LRP1B: variants seen among roughly 807,000 people sequenced by gnomAD.
LRP1B encodes low-density lipoprotein receptor-related protein 1B.
Under a neutral mutation model 556.6 loss-of-function variants are expected in LRP1B, and 217 were observed. The ratio of observed to expected loss-of-function variants is 0.39; its 90% CI spans 0.35 to 0.44. The LOEUF (loss-of-function observed/expected upper bound fraction) is 0.44, where lower values mean the gene tolerates loss of function less well. Ranked by LOEUF, LRP1B falls within the 20% of genes least tolerant of loss-of-function variation. The probability of loss-of-function intolerance (pLI) is 1.00; values close to 1 mark genes in which losing one functional copy is unlikely to be tolerated. For synonymous variants in LRP1B, 2,047 were observed against 1,865.8 expected, an observed-to-expected ratio of 1.10 and a Z score of -2.50; for missense variants, 5,053 against 5,620.8, an observed-to-expected ratio of 0.90 and a Z score of 3.23.
intron 7 of LRP1B, among the ~76,000 whole-genome samples, chr2:141,128,667 C>G (rs1338239007): frequency 1.3e-5 from 2 of 151,746 alleles, no homozygotes; most frequent in African/African-American, 4.9e-5. Flanking sequence ...GTTGCCCAGG[C>G]TGGAGTGCGA....
At chr2:140,677,831 G>A (rs1425702307) in intron 41 of LRP1B, among the ~76,000 whole-genome samples, 2 of 147,592 alleles carry the variant, frequency 1.4e-5, no homozygotes, top group Admixed American at 6.8e-5. Flanking sequence ...AGCCGAGATC[G>A]TGCTATTGCA....
At chr2:140,593,833 C>T (rs1682324187) in intron 43 of LRP1B, among the ~76,000 whole-genome samples, 1 of 151,866 alleles carries the variant, frequency 6.6e-6, no homozygotes, top group African/African-American at 2.4e-5. Context: ...TTTATTTTTG[C>T]TGTTTGAAAG....
chr2:140,506,168 C>T (rs1021515739), intron 53 of LRP1B, among the ~76,000 whole-genome samples: 25 of 152,154 alleles, frequency 1.6e-4, no homozygotes, highest in Admixed American at 2.6e-4. Flanking sequence ...ACAAGCCAGC[C>T]ATATACTGTC....
chr2:140,334,628 GCA>G lies in LRP1B; in HGVS notation c.12117-71_12117-70del, dbSNP rs2105083871. 3.7e-5 allele frequency: 30 copies of G among 807,482 alleles called. 1 individual carries two copies. In the South Asian group the frequency reaches 5.6e-4, roughly 15 times the overall value. The allele number at this position is 807,482 out of a possible 1,614,324, so 50.0% of individuals were successfully genotyped here. On this transcript the variant is annotated intron_variant, in intron 78 of 90. Transcript: ENST00000389484. ...CTATAACCAGACTCTGCTCCGCAAA[GCA>G]GTGGCTCTTCAGACCACGTGCCTCA...
rs1698124105 is a variant in LRP1B, at chr2:141,858,169, T to G, written c.83-47768A>C. ...TGCGTTAAATTTTGACTGCCAAGTTTTGTGTGCTTGAATCAAACTCATTTC... is the reference window on the plus strand; with the variant it reads ...TGCGTTAAATTTTGACTGCCAAGTTGTGTGTGCTTGAATCAAACTCATTTC... On this transcript the variant is annotated intron_variant, in intron 1 of 90. Transcript: ENST00000389484. Among the ~76,000 whole-genome samples, 3 of 152,194 alleles carry G rather than the reference T, an allele frequency of 2.0e-5. No individual in the cohort carries two copies. The South Asian group carries it at 6.2e-4, about 31-fold the overall frequency.
At chr2:141,967,599 G>A (rs1013104163) in intron 1 of LRP1B, among the ~76,000 whole-genome samples, 11 of 151,800 alleles carry the variant, frequency 7.2e-5, no homozygotes, top group African/African-American at 2.7e-4. Context: ...AAATTAGACA[G>A]TCAGAGAGGG....
intron 32 of LRP1B, among the ~76,000 whole-genome samples, chr2:140,790,816 A>G (rs1690088937): frequency 6.6e-6 from 1 of 152,304 alleles, no homozygotes; most frequent in African/African-American, 2.4e-5. Context: ...TTAAGAAAAG[A>G]TTGGGCCAAG....
chr2:141,604,087 A>G (rs1687837983), intron 2 of LRP1B, among the ~76,000 whole-genome samples: 1 of 152,192 alleles, frequency 6.6e-6, no homozygotes, highest in South Asian at 2.1e-4. Flanking sequence ...AACAATTAAG[A>G]AACAACTTCT....
chr2:141,301,612 A>G (rs1686398760), intron 3 of LRP1B, among the ~76,000 whole-genome samples: 1 of 152,212 alleles, frequency 6.6e-6, no homozygotes, highest in Admixed American at 6.5e-5. Context: ...GCTGAGACCT[A>G]CAGAAATTAA....
chr2:140,439,335 C>T (rs908823707), intron 66 of LRP1B, among the ~76,000 whole-genome samples: 2 of 152,178 alleles, frequency 1.3e-5, no homozygotes, highest in African/African-American at 4.8e-5. Context: ...TCTAATATAA[C>T]TGTATTTATG....
At chr2:140,315,275 T>C (rs2105037613) in intron 82 of LRP1B, among the ~76,000 whole-genome samples, 176 bp from the exon 83 acceptor site, 1 of 152,326 alleles carries the variant, frequency 6.6e-6, no homozygotes, top group East Asian at 1.9e-4. Context: ...ATTCTGGTTG[T>C]TGAATGGTAA....
chr2:140,942,756 T>C (rs1048040431), intron 20 of LRP1B, among the ~76,000 whole-genome samples: 3 of 152,054 alleles, frequency 2.0e-5, no homozygotes, highest in Non-Finnish European at 4.4e-5. Context: ...TCACTACCAC[T>C]GGACTGGTCT....
Position 140,951,888 on chromosome 2 carries a change from G to A in LRP1B, c.2940C>T (p.Cys980=), listed in dbSNP as rs1171123264. ...LTQFVCKSGR[C]ISSKWHCDSD... is the part of the protein sequence containing the mutation. ...AGTCGCAGTGCCATTTGCTGCTAAT[G>A]CATCTTCCACTTTTGCATACGAATT... Residue 980 remains cysteine (C), a synonymous_variant, in exon 19 of 91, where the codon TGC becomes TGT. Coordinates refer to ENST00000389484, the MANE Select transcript of LRP1B (RefSeq NM_018557.3). 1 of 1,613,880 alleles carries A rather than the reference G, an allele frequency of 6.2e-7. No individual in the cohort carries two copies. Among genetic ancestry groups the A allele is most frequent in the East Asian group, 2.2e-5 (1 of 44,854 alleles).
chr2:140,490,804 C>G (rs1256518528), intron 57 of LRP1B, among the ~76,000 whole-genome samples: 1 of 152,066 alleles, frequency 6.6e-6, no homozygotes, highest in East Asian at 1.9e-4. Context: ...TATTTCCTTA[C>G]TCAATGGGCA....
intron 2 of LRP1B, among the ~76,000 whole-genome samples, chr2:141,652,989 T>C: frequency 6.6e-6 from 1 of 152,166 alleles, no homozygotes; most frequent in Admixed American, 6.5e-5. Context: ...TGAGGATGAG[T>C]GTTGCTTCTA....
intron 45 of LRP1B, among the ~76,000 whole-genome samples, chr2:140,539,686 C>T (rs1680063148): frequency 1.3e-5 from 2 of 152,114 alleles, no homozygotes; most frequent in South Asian, 2.1e-4. Flanking sequence ...GCATGGCTAA[C>T]ACTCCGGGCT....
rs565178698 is a variant in LRP1B at position 140,730,799 on chromosome 2, C to T, written c.5759-13983G>A. On this transcript the variant is annotated intron_variant, in intron 35 of 90. Transcript: ENST00000389484. ...GTCTCGAACTCCTGACCTCGTGATCCGCCTGCCTCGGCCTCCCAAATTGCT... is the reference window on the plus strand; with the variant it reads ...GTCTCGAACTCCTGACCTCGTGATCTGCCTGCCTCGGCCTCCCAAATTGCT... Among the ~76,000 whole-genome samples, 14 of 152,232 alleles carry T rather than the reference C, an allele frequency of 9.2e-5. No homozygotes were observed. The South Asian group carries it at 2.7e-3, about 29-fold the overall frequency.
At chr2:141,669,197 G>A (rs1690568391) in intron 2 of LRP1B, among the ~76,000 whole-genome samples, 1 of 152,048 alleles carries the variant, frequency 6.6e-6, no homozygotes, top group Non-Finnish European at 1.5e-5. Flanking sequence ...GGGTCACTAG[G>A]TTGTGCCCTA....
intron 3 of LRP1B, among the ~76,000 whole-genome samples, chr2:141,419,506 A>G (rs1204284360): frequency 6.6e-6 from 1 of 152,150 alleles, no homozygotes; most frequent in African/African-American, 2.4e-5. Flanking sequence ...CAATCTTGGT[A>G]GGTAGTAGGC....
Sources: allele counts gnomAD v4.1 joint callset (sites outside exome capture counted in the v4.1 genomes callset), GRCh38; gene constraint gnomAD v4.1.1; transcripts MANE v1.5; gene names NCBI Gene and HGNC (gene_info 2026-07-23, HGNC 2026-07-21).